SHISA9: variants seen among roughly 807,000 people sequenced by gnomAD.
The protein encoded by SHISA9 is shisa family member 9, also known as protein shisa-9.
A neutral mutation model predicts 38.0 loss-of-function variants in SHISA9; 13 were observed. The observed-to-expected ratio is 0.34, with a 90% confidence interval of 0.22 to 0.54. SHISA9 has a LOEUF of 0.54. Ranked by LOEUF, SHISA9 falls within the 20% of genes least tolerant of loss-of-function variation. The probability of loss-of-function intolerance (pLI) is 0.91; values close to 1 mark genes in which losing one functional copy is unlikely to be tolerated. For missense variants in SHISA9, 538 were observed against 575.8 expected (o/e 0.93, Z 0.67); for synonymous variants, 275 against 242.0 (o/e 1.14, Z -1.27).
intron 2 of SHISA9, among the ~76,000 whole-genome samples, chr16:12,921,525 G>A (rs1051260511): frequency 6.6e-6 from 1 of 152,184 alleles, no homozygotes; most frequent in Non-Finnish European, 1.5e-5. Context: ...GCTTTAGGAG[G>A]CAAAGGCGGG....
At chr16:13,379,761 TTTC>T in the SHISA9 span, among the ~76,000 whole-genome samples, 1 of 152,144 alleles carries the variant, frequency 6.6e-6, no homozygotes, top group Admixed American at 6.5e-5. Flanking sequence ...ATGCCTTTCT[TTTC>T]TTTTGAGGAG....
chr16:13,489,837 G>A, the SHISA9 span, among the ~76,000 whole-genome samples: 1 of 152,188 alleles, frequency 6.6e-6, no homozygotes. Context: ...GAGGCACAGA[G>A]TGGTTAAGTA....
At chr16:12,917,274 T>C (rs1210707464) in intron 2 of SHISA9, among the ~76,000 whole-genome samples, 2 of 152,214 alleles carry the variant, frequency 1.3e-5, no homozygotes, top group Admixed American at 1.3e-4. Context: ...AATTATGAAA[T>C]ACTAGTTCAG....
At chr16:12,992,051 A>G (rs1452567329) in intron 2 of SHISA9, among the ~76,000 whole-genome samples, 1 of 152,226 alleles carries the variant, frequency 6.6e-6, no homozygotes, top group Non-Finnish European at 1.5e-5. Flanking sequence ...AATGAATATA[A>G]TTTAAAAATA....
At chr16:13,298,357 TCTA>T in the SHISA9 span, among the ~76,000 whole-genome samples, 1,338 of 152,252 alleles carry the variant, frequency 8.8e-3, 14 homozygotes, top group African/African-American at 0.029. Flanking sequence ...TATTCATAAT[TCTA>T]CTAATTATCA....
At chr16:13,439,572 G>A in the SHISA9 span, among the ~76,000 whole-genome samples, 748 of 152,312 alleles carry the variant, frequency 4.9e-3, 8 homozygotes, top group African/African-American at 0.017. Context: ...GGATATTCAG[G>A]AAAGCCTGTC....
intron 2 of SHISA9, among the ~76,000 whole-genome samples, chr16:13,052,918 TACCA>T (rs965410719): frequency 2.0e-5 from 3 of 151,780 alleles, no homozygotes; most frequent in Non-Finnish European, 4.4e-5. Context: ...GCACAGCTAT[TACCA>T]ACAAAGAAAT....
chr16:13,439,128 A>C, the SHISA9 span, among the ~76,000 whole-genome samples: 1 of 152,310 alleles, frequency 6.6e-6, no homozygotes, highest in African/African-American at 2.4e-5. Context: ...AACTCATAGA[A>C]GCAGAGAGCT....
chr16:12,999,003 G>C (rs957863572), intron 2 of SHISA9, among the ~76,000 whole-genome samples: 4 of 152,132 alleles, frequency 2.6e-5, no homozygotes, highest in Non-Finnish European at 4.4e-5. Context: ...TCAATACATA[G>C]CCTGTATTTT....
the SHISA9 span, among the ~76,000 whole-genome samples, chr16:13,377,615 A>G: frequency 6.6e-6 from 1 of 152,232 alleles, no homozygotes; most frequent in East Asian, 1.9e-4. Context: ...CTTGGCACAA[A>G]TATATTCTCC....
the SHISA9 span, among the ~76,000 whole-genome samples, chr16:13,338,340 G>GA: frequency 0.017 from 2,643 of 152,222 alleles, 31 homozygotes; most frequent in Middle Eastern, 0.034. Flanking sequence ...ACTTGCAACA[G>GA]AAAAACAATC....
intron 2 of SHISA9, among the ~76,000 whole-genome samples, chr16:12,943,855 G>T (rs983656): frequency 0.013 from 2,042 of 152,262 alleles, 47 homozygotes; most frequent in African/African-American, 0.047. Flanking sequence ...CTAGCTCAGG[G>T]TTCACATCTT....
chr16:13,470,668 G>A, the SHISA9 span, among the ~76,000 whole-genome samples: 1 of 152,070 alleles, frequency 6.6e-6, no homozygotes, highest in East Asian at 1.9e-4. Flanking sequence ...ACAATTCAAG[G>A]TGATATTTGA....
chr16:13,158,487 T>C (rs2050566436), intron 2 of SHISA9, among the ~76,000 whole-genome samples: 1 of 152,214 alleles, frequency 6.6e-6, no homozygotes, highest in South Asian at 2.1e-4. Context: ...GGGAGGACCC[T>C]GCTATTGCCC....
the SHISA9 span, among the ~76,000 whole-genome samples, chr16:13,473,349 C>CTTTTTTTTTTTTTT: frequency 8.1e-5 from 6 of 73,902 alleles, no homozygotes; most frequent in African/African-American, 2.1e-4. Context: ...TTCTTTCTTT[C>CTTTTTTTTTTTTTT]TTTTTTTTTT....
At chr16:13,019,892 T>TTTCTTTCC (rs2072819217) in intron 2 of SHISA9, among the ~76,000 whole-genome samples, 1 of 17,806 alleles carries the variant, frequency 5.6e-5, no homozygotes, top group South Asian at 2.5e-3. Context: ...CCCTTCTTTC[T>TTTCTTTCC]TTCTTTCTTT....
At chr16:13,409,435 G>T in the SHISA9 span, among the ~76,000 whole-genome samples, 1 of 152,254 alleles carries the variant, frequency 6.6e-6, no homozygotes, top group Non-Finnish European at 1.5e-5. Flanking sequence ...CAGACAGCAA[G>T]GCTAAAAGAG....
At chr16:13,355,778 C>T in the SHISA9 span, among the ~76,000 whole-genome samples, 2 of 152,118 alleles carry the variant, frequency 1.3e-5, no homozygotes, top group African/African-American at 2.4e-5. Context: ...ACCTGAAGCT[C>T]GATGTCCGTG....
chr16:13,515,928 C>T, the SHISA9 span, among the ~76,000 whole-genome samples: 2 of 152,178 alleles, frequency 1.3e-5, no homozygotes, highest in Non-Finnish European at 2.9e-5. Context: ...TCATTTAATC[C>T]TCATAAAAAC....
Sources: gnomAD v4.1 joint callset for allele counts (sites outside exome capture counted in the v4.1 genomes callset) on GRCh38, gnomAD v4.1.1 for gene constraint, MANE v1.5 for transcripts, NCBI Gene and HGNC (gene_info 2026-07-23, HGNC 2026-07-21) for gene names.